Variants in TRIM9 observed in about 807,000 individuals in gnomAD.
TRIM9 encodes E3 ubiquitin-protein ligase TRIM9.
In TRIM9, 26 loss-of-function variants were observed where a neutral mutation model predicts 78.3. That is an observed-to-expected ratio of 0.33 (90% confidence interval 0.24 to 0.46). The LOEUF is 0.46. Among genes scored for constraint, TRIM9 ranks in the 20% least tolerant of loss-of-function variants. The pLI, the probability that TRIM9 is intolerant of heterozygous loss-of-function variation, is 1.00. For synonymous variants in TRIM9, 398 were observed against 416.5 expected (o/e 0.96, Z 0.54); for missense variants, 787 against 1,036.4 (o/e 0.76, Z 3.30).
chr14:51,080,948 T>A (rs1289830931), intron 1 of TRIM9, among the ~76,000 whole-genome samples: 1 of 152,224 alleles, frequency 6.6e-6, no homozygotes, highest in East Asian at 1.9e-4. Flanking sequence ...AAGTTCTGTC[T>A]CAGAATTGGC....
chr14:51,053,225 C>T (rs1164712079), intron 1 of TRIM9, among the ~76,000 whole-genome samples: 2 of 149,398 alleles, frequency 1.3e-5, no homozygotes, highest in African/African-American at 2.5e-5. Flanking sequence ...AAAAGAAAAA[C>T]GCAAAAAGAA....
chr14:50,981,908 C>T lies in TRIM9; in HGVS notation c.2054G>A (p.Arg685His), dbSNP rs779937272. 3.7e-6 allele frequency: 6 copies of T among 1,613,096 alleles called. No homozygotes were observed. The highest frequency in any genetic ancestry group is 2.2e-5 in the East Asian group (1 of 44,784). Residue 685 changes from arginine to histidine, a missense_variant, in exon 11 of 13, where the codon CGC becomes CAC. Physicochemically the swap from Arg to His is conservative, Grantham distance 29. Coordinates refer to ENST00000684578, the MANE Select transcript of TRIM9 (RefSeq NM_001387360.1). ...NHPDPAFGVA[R>H]MDVMKDVMLG... Reference sequence around the variant, plus strand: ...CATCACATCCTTCATCACGTCCATGCGAGCCACACCAAAGGCAGGATCAGG... The same window carrying T: ...CATCACATCCTTCATCACGTCCATGTGAGCCACACCAAAGGCAGGATCAGG...
At chr14:51,058,447 T>C (rs1303600414) in intron 1 of TRIM9, among the ~76,000 whole-genome samples, 2 of 152,242 alleles carry the variant, frequency 1.3e-5, no homozygotes, top group African/African-American at 4.8e-5. Flanking sequence ...TCACCCAGAA[T>C]AAAGACTGCA....
intron 1 of TRIM9, among the ~76,000 whole-genome samples, chr14:51,036,204 A>G (rs765729690): frequency 5.9e-5 from 9 of 152,218 alleles, no homozygotes; most frequent in African/African-American, 1.9e-4. Flanking sequence ...AAAAAAGCCA[A>G]CATCTCTTCC....
intron 7 of TRIM9, among the ~76,000 whole-genome samples, chr14:50,987,310 G>A (rs2052845544): frequency 1.3e-5 from 2 of 152,138 alleles, no homozygotes; most frequent in Admixed American, 1.3e-4. Context: ...AAAATAACTG[G>A]AGCACGTGTG....
At position 51,094,118 on chromosome 14, in the gene TRIM9, C is replaced by T; in HGVS notation, c.822G>A (p.Lys274=). ...AGGAGTGGGTTTTCTTAGGACTCAC[C>T]TTATGTAGTTTCCACATGGCCCCCA... ...KALGAMWKLH[K]SQLSQALNGL... The change falls in exon 1 of 13, where the codon AAG becomes AAA. Residue 274 remains lysine (K), a splice_region_variant and synonymous_variant. Coordinates refer to ENST00000684578, the MANE Select transcript of TRIM9 (RefSeq NM_001387360.1). 2 of 1,612,108 alleles carry T rather than the reference C, an allele frequency of 1.2e-6. No individual in the cohort carries two copies. Among genetic ancestry groups the T allele is most frequent in the South Asian group, 2.2e-5 (2 of 91,038 alleles).
chr14:51,087,075 G>A (rs2063827559), intron 1 of TRIM9, among the ~76,000 whole-genome samples: 1 of 152,104 alleles, frequency 6.6e-6, no homozygotes, highest in African/African-American at 2.4e-5. Flanking sequence ...TGGGGTAGCA[G>A]CATCAGGTTC....
At chr14:51,001,892 G>A (rs2055098537) in intron 5 of TRIM9, among the ~76,000 whole-genome samples, 2 of 152,192 alleles carry the variant, frequency 1.3e-5, no homozygotes, top group African/African-American at 4.8e-5. Context: ...CCTGGAGCAT[G>A]ACAAGGAGGC....
chr14:51,068,493 C>T (rs967362835), intron 1 of TRIM9, among the ~76,000 whole-genome samples: 1 of 152,156 alleles, frequency 6.6e-6, no homozygotes, highest in African/African-American at 2.4e-5. Flanking sequence ...GTGCCTGCAA[C>T]GTGCCAAGTA....
In TRIM9 at chr14:51,095,095, G is replaced by C; in HGVS notation, c.-156C>G. 1 of 506,020 alleles carries C rather than the reference G, an allele frequency of 2.0e-6. No homozygotes were observed. Among genetic ancestry groups the C allele is most frequent in the Non-Finnish European group, 3.1e-6 (1 of 318,754 alleles). 31.3% of individuals were successfully genotyped at this position (506,020 alleles called of 1,614,324 possible). A position where few individuals can be genotyped will look rare whatever the true frequency, so the allele number is the denominator to read the frequency against. ...CACTGGCACGGACACCCAGAGAGGCGCTAGCTCTGTGAGCCGCAGCCGCGT... is the reference window on the plus strand; with the variant it reads ...CACTGGCACGGACACCCAGAGAGGCCCTAGCTCTGTGAGCCGCAGCCGCGT... On this transcript the variant is annotated 5_prime_UTR_variant, in exon 1 of 13. Transcript: ENST00000684578.
Position 51,094,164 on chromosome 14 carries a change from G to T in TRIM9, c.776C>A (p.Ser259Tyr). ...CYQCLEEGKHSSHEVKALGAM... is the reference protein window; with the variant it reads ...CYQCLEEGKHYSHEVKALGAM... ...CCCCAGAGCCTTGACTTCGTGGCTGGAGTGTTTGCCCTCCTCCAAGCACTG... is the reference window on the plus strand; with the variant it reads ...CCCCAGAGCCTTGACTTCGTGGCTGTAGTGTTTGCCCTCCTCCAAGCACTG... The change falls in exon 1 of 13, where the codon TCC becomes TAC. Residue 259 changes from serine (S) to tyrosine (Y), a missense_variant. Transcript: ENST00000684578. 6.2e-7 allele frequency: 1 copy of T among 1,614,228 alleles called. No homozygotes were observed.
At chr14:50,983,102 G>T in intron 9 of TRIM9, 137 bp from the exon 10 acceptor site, 1 of 836,438 alleles carries the variant, frequency 1.2e-6, no homozygotes. Context: ...CTAAACAGGT[G>T]CTCTCTGACT....
intron 3 of TRIM9, among the ~76,000 whole-genome samples, chr14:51,018,015 T>C (rs532855824): frequency 1.8e-4 from 27 of 152,304 alleles, no homozygotes; most frequent in African/African-American, 6.3e-4. Flanking sequence ...TTGTAATCAA[T>C]CATAATTGTG....
intron 5 of TRIM9, among the ~76,000 whole-genome samples, chr14:51,001,800 T>C (rs552381098): frequency 6.6e-6 from 1 of 152,304 alleles, no homozygotes; most frequent in Non-Finnish European, 1.5e-5. Context: ...AAGGTAGCTA[T>C]ACCTCGAAAA....
At chr14:51,000,930 G>T in intron 5 of TRIM9, 90 bp from the exon 6 acceptor site, 1 of 1,504,372 alleles carries the variant, frequency 6.6e-7, no homozygotes, top group Non-Finnish European at 9.1e-7. Flanking sequence ...ATAAACACGT[G>T]GTTAGAAGTA....
chr14:51,036,659 T>C (rs1051569030), intron 1 of TRIM9, among the ~76,000 whole-genome samples: 2 of 152,258 alleles, frequency 1.3e-5, no homozygotes, highest in African/African-American at 2.4e-5. Context: ...ACATGATCAG[T>C]ACAGGCTCAA....
At chr14:51,057,009 C>A (rs1458884082) in intron 1 of TRIM9, among the ~76,000 whole-genome samples, 1 of 152,212 alleles carries the variant, frequency 6.6e-6, no homozygotes, top group African/African-American at 2.4e-5. Flanking sequence ...AATAAACGAA[C>A]CCATCTCCTA....
At chr14:51,068,596 A>G (rs898261690) in intron 1 of TRIM9, among the ~76,000 whole-genome samples, 1 of 152,216 alleles carries the variant, frequency 6.6e-6, no homozygotes, top group African/African-American at 2.4e-5. Flanking sequence ...GGGCTCAGAA[A>G]GGTTAAGGAA....
Position 50,983,420 on chromosome 14 carries a change from T to C in TRIM9, c.1794A>G (p.Gly598=), listed in dbSNP as rs199673072. 1.1e-4 allele frequency: 177 copies of C among 1,542,670 alleles called. No individual in the cohort carries two copies. In the African/African-American group the frequency reaches 2.3e-3, roughly 20 times the overall value. ...GTGCAGATTGTGTCTCAAAATTGCATCCTATAAAGAGATACTACACATCAA... is the reference window on the plus strand; with the variant it reads ...GTGCAGATTGTGTCTCAAAATTGCACCCTATAAAGAGATACTACACATCAA... ...HSSLQSLNAP[G]CNFETQSAPY... The change falls in exon 9 of 13, where the codon GGA becomes GGG. Residue 598 remains glycine (G), a splice_region_variant and synonymous_variant. Coordinates refer to ENST00000684578, the MANE Select transcript of TRIM9 (RefSeq NM_001387360.1).
Sources: gnomAD v4.1 joint callset for allele counts (sites outside exome capture counted in the v4.1 genomes callset) on GRCh38, gnomAD v4.1.1 for gene constraint, MANE v1.5 for transcripts, NCBI Gene and HGNC (gene_info 2026-07-23, HGNC 2026-07-21) for gene names.